NRXN3: variants seen among roughly 807,000 people sequenced by gnomAD.
NRXN3 encodes neurexin III.
Under a neutral mutation model 137.6 loss-of-function variants are expected in NRXN3, and 32 were observed. The ratio of observed to expected loss-of-function variants is 0.23; its 90% CI spans 0.18 to 0.31. The LOEUF (loss-of-function observed/expected upper bound fraction) is 0.31, where lower values mean the gene tolerates loss of function less well. Among genes scored for constraint, NRXN3 ranks in the 10% least tolerant of loss-of-function variants. The probability of loss-of-function intolerance (pLI) is 1.00; values close to 1 mark genes in which losing one functional copy is unlikely to be tolerated. For synonymous variants in NRXN3, 798 were observed against 784.5 expected (o/e 1.02, Z -0.29); for missense variants, 1,574 against 2,062.5 (o/e 0.76, Z 4.59).
intron 15 of NRXN3, among the ~76,000 whole-genome samples, chr14:79,117,583 A>C (rs767470639): frequency 4.3e-4 from 66 of 152,204 alleles, no homozygotes; most frequent in Non-Finnish European, 8.1e-4. Flanking sequence ...AGTAGCAATA[A>C]ATTTGTAAGA....
intron 10 of NRXN3, among the ~76,000 whole-genome samples, chr14:78,956,177 C>A (rs991874919): frequency 3.3e-5 from 5 of 152,064 alleles, no homozygotes; most frequent in African/African-American, 1.2e-4. Context: ...TTGACTAATC[C>A]AAAAATATTT....
chr14:79,386,996 A>C (rs2094644286), intron 15 of NRXN3, among the ~76,000 whole-genome samples: 1 of 152,132 alleles, frequency 6.6e-6, no homozygotes, highest in African/African-American at 2.4e-5. Flanking sequence ...AACCATAAAA[A>C]CTCTAGAAGA....
intron 4 of NRXN3, among the ~76,000 whole-genome samples, chr14:78,363,719 C>G (rs955363393): frequency 1.3e-5 from 2 of 152,272 alleles, no homozygotes; most frequent in East Asian, 3.9e-4. Flanking sequence ...CTTGCTCTTC[C>G]ATGCATCCAC....
chr14:79,396,537 G>A (rs2095031793), intron 15 of NRXN3, among the ~76,000 whole-genome samples: 1 of 152,018 alleles, frequency 6.6e-6, no homozygotes, highest in Non-Finnish European at 1.5e-5. Flanking sequence ...GAATGGTTGT[G>A]TTGCTTTGCT....
Position 78,254,477 on chromosome 14 carries a change from G to C in NRXN3, c.709+10675G>C, listed in dbSNP as rs1056983758. On this transcript the variant is annotated intron_variant, in intron 2 of 20. Coordinates refer to ENST00000335750, the MANE Select transcript of NRXN3 (RefSeq NM_001330195.2). ...AGGCAGATCACGAGGTCAGGACATC[G>C]AAATCATCCTGGCCAACATGGTGAA... 5.3e-5 allele frequency among the ~76,000 whole-genome samples: 8 copies of C among 152,072 alleles called. No individual in the cohort carries two copies. In the South Asian group the frequency reaches 8.4e-4, roughly 16 times the overall value.
At chr14:78,268,238 G>A (rs1311371000) in intron 2 of NRXN3, among the ~76,000 whole-genome samples, 2 of 151,754 alleles carry the variant, frequency 1.3e-5, no homozygotes, top group Non-Finnish European at 2.9e-5. Flanking sequence ...AAACAAACTT[G>A]GTGTGCTCTA....
intron 15 of NRXN3, among the ~76,000 whole-genome samples, chr14:79,321,069 T>C (rs1474160850): frequency 6.6e-6 from 1 of 152,164 alleles, no homozygotes; most frequent in Non-Finnish European, 1.5e-5. Flanking sequence ...CCAGTGCAAT[T>C]TTCCATATGC....
intron 15 of NRXN3, among the ~76,000 whole-genome samples, chr14:79,321,059 C>T (rs2089925473): frequency 6.6e-6 from 1 of 152,038 alleles, no homozygotes; most frequent in Admixed American, 6.6e-5. Context: ...ATTCTTTATA[C>T]CAGTGCAATT....
chr14:78,274,312 A>G (rs566318924), intron 2 of NRXN3, among the ~76,000 whole-genome samples: 3 of 152,312 alleles, frequency 2.0e-5, no homozygotes, highest in South Asian at 4.1e-4. Flanking sequence ...GAAACTTACA[A>G]TCATGGCAGA....
At chr14:78,940,331 G>C (rs2099350648) in intron 10 of NRXN3, among the ~76,000 whole-genome samples, 1 of 152,068 alleles carries the variant, frequency 6.6e-6, no homozygotes, top group South Asian at 2.1e-4. Flanking sequence ...CCCAAACTCA[G>C]ACCCAAATGT....
At chr14:79,093,523 T>C (rs745389066) in intron 15 of NRXN3, among the ~76,000 whole-genome samples, 1 of 152,156 alleles carries the variant, frequency 6.6e-6, no homozygotes, top group African/African-American at 2.4e-5. Context: ...GTGAGTGATG[T>C]TGATGGCTTT....
intron 19 of NRXN3, among the ~76,000 whole-genome samples, chr14:79,709,222 A>C (rs573470645): frequency 4.4e-4 from 67 of 152,290 alleles, no homozygotes; most frequent in African/African-American, 1.5e-3. Context: ...AGGCTCTAGG[A>C]AATATTTACG....
intron 15 of NRXN3, among the ~76,000 whole-genome samples, chr14:79,013,791 A>C (rs997571763): frequency 3.3e-5 from 5 of 152,120 alleles, no homozygotes; most frequent in African/African-American, 1.2e-4. Context: ...CATAACTATT[A>C]TTTTTACTGA....
chr14:78,473,030 G>A (rs752036399), intron 4 of NRXN3, among the ~76,000 whole-genome samples: 5 of 151,066 alleles, frequency 3.3e-5, no homozygotes, highest in Non-Finnish European at 5.9e-5. Context: ...CCCCTGGCAA[G>A]TAGAGAGAGG....
At chr14:78,672,374 A>T (rs2097945552) in intron 6 of NRXN3, among the ~76,000 whole-genome samples, 1 of 152,200 alleles carries the variant, frequency 6.6e-6, no homozygotes, top group South Asian at 2.1e-4. Flanking sequence ...TTATCTTTGT[A>T]TCTCCAGGGC....
chr14:79,321,729 G>GAT (rs749904652), intron 15 of NRXN3, among the ~76,000 whole-genome samples: 4 of 150,138 alleles, frequency 2.7e-5, no homozygotes, highest in East Asian at 1.9e-4. Context: ...TCAGCATCAT[G>GAT]ATATATATAT....
At chr14:79,831,397 A>T (rs2099323031) in intron 20 of NRXN3, among the ~76,000 whole-genome samples, 1 of 152,224 alleles carries the variant, frequency 6.6e-6, no homozygotes, top group Non-Finnish European at 1.5e-5. Flanking sequence ...CAAGATGGGA[A>T]CACGCTTCCT....
At chr14:79,705,415 A>C (rs1446444633) in intron 19 of NRXN3, among the ~76,000 whole-genome samples, 1 of 152,186 alleles carries the variant, frequency 6.6e-6, no homozygotes, top group Non-Finnish European at 1.5e-5. Context: ...AGAAGGGTGA[A>C]ACCGGTGAGG....
chr14:79,403,791 G>A (rs1180962339), intron 15 of NRXN3, among the ~76,000 whole-genome samples: 1 of 152,032 alleles, frequency 6.6e-6, no homozygotes, highest in East Asian at 1.9e-4. Context: ...TTTCAACATG[G>A]GTACTGCATG....
Sources: allele counts gnomAD v4.1 joint callset (sites outside exome capture counted in the v4.1 genomes callset), GRCh38; gene constraint gnomAD v4.1.1; transcripts MANE v1.5; gene names NCBI Gene and HGNC (gene_info 2026-07-23, HGNC 2026-07-21).